CNTN6: variants seen among roughly 807,000 people sequenced by gnomAD.
The protein encoded by CNTN6 is contactin-6.
In CNTN6, 137 loss-of-function variants were observed where a neutral mutation model predicts 122.8. The observed-to-expected ratio is 1.12, with a 90% CI of 0.97 to 1.29. The LOEUF is 1.29. Among genes scored for constraint, CNTN6 ranks in the 50% most tolerant of loss-of-function variants. The pLI, the probability that CNTN6 is intolerant of heterozygous loss-of-function variation, is 0.00. For synonymous variants in CNTN6, 570 were observed against 426.0 expected, an observed-to-expected ratio of 1.34 and a Z score of -4.16; for missense variants, 1,634 against 1,223.4, an observed-to-expected ratio of 1.34 and a Z score of -5.01.
rs1416133177 is a variant in CNTN6, at chr3:1,392,734, C to A, written c.2704+6937C>A. ...AGAAAAAAACAAACAACCCCATCAA[C>A]AAGTGGGTGAAGGACATGAACAGAC... On this transcript the variant is annotated intron_variant, in intron 20 of 22. Transcript: ENST00000446702. Among the ~76,000 whole-genome samples the A allele has an allele frequency of 1.0e-4, 15 of 143,198 alleles. No homozygotes were observed. The South Asian group carries it at 1.9e-3, about 18-fold the overall frequency. The allele number at this position is 143,198 out of a possible 152,430, so 93.9% of individuals were successfully genotyped here.
chr3:1,338,195 A>T (rs904515407), intron 11 of CNTN6, among the ~76,000 whole-genome samples: 11 of 152,180 alleles, frequency 7.2e-5, no homozygotes, highest in African/African-American at 2.7e-4. Flanking sequence ...CAAAATAAAT[A>T]GCATCTTATA....
chr3:1,389,492 A>G (rs1432705539), intron 20 of CNTN6, among the ~76,000 whole-genome samples: 2 of 152,182 alleles, frequency 1.3e-5, no homozygotes, highest in Non-Finnish European at 2.9e-5. Context: ...GACTAGGAAG[A>G]AACTGCATCA....
intron 4 of CNTN6, among the ~76,000 whole-genome samples, chr3:1,232,142 T>TA: frequency 6.6e-6 from 1 of 152,316 alleles, no homozygotes; most frequent in African/African-American, 2.4e-5. Flanking sequence ...GCCCTTATAA[T>TA]ATATAACTCT....
chr3:1,260,428 A>C (rs1010030600), intron 4 of CNTN6, among the ~76,000 whole-genome samples: 4 of 152,066 alleles, frequency 2.6e-5, no homozygotes, highest in African/African-American at 9.7e-5. Flanking sequence ...GATTCAGGGC[A>C]GATGTTTGAT....
chr3:1,212,041 T>C (rs2094045977), intron 2 of CNTN6, among the ~76,000 whole-genome samples: 2 of 152,172 alleles, frequency 1.3e-5, no homozygotes, highest in African/African-American at 2.4e-5. Context: ...TAATGAACGT[T>C]AGATACCAGT....
chr3:1,283,797 C>G (rs540283473), intron 5 of CNTN6, among the ~76,000 whole-genome samples: 44 of 152,136 alleles, frequency 2.9e-4, no homozygotes, highest in African/African-American at 9.9e-4. Context: ...GTCAGGAGTT[C>G]GAGACCAGCC....
rs112454892 is a variant in CNTN6, at chr3:1,369,644, T to C, written c.1493-2655T>C. ...GTGTCATAAATGGAAGGACTTGCTG[T>C]CATTTTTAATGTCTGAAAATTACTT... is the stretch of plus-strand genomic sequence containing the variant. On this transcript the variant is annotated intron_variant, in intron 12 of 22. Coordinates refer to ENST00000446702, the MANE Select transcript of CNTN6 (RefSeq NM_001289080.2). Among the ~76,000 whole-genome samples the C allele has an allele frequency of 3.3e-3, 508 of 152,286 alleles. 4 individuals carry two copies. The highest frequency in any genetic ancestry group is 5.2e-3 in the Non-Finnish European group (351 of 68,012).
chr3:1,309,270 T>C (rs1287091347), intron 7 of CNTN6, among the ~76,000 whole-genome samples: 1 of 152,216 alleles, frequency 6.6e-6, no homozygotes, highest in Non-Finnish European at 1.5e-5. Context: ...GCTTTATGTT[T>C]TGCATTTTCA....
At chr3:1,247,429 G>C (rs1247317608) in intron 4 of CNTN6, among the ~76,000 whole-genome samples, 1 of 150,402 alleles carries the variant, frequency 6.6e-6, no homozygotes, top group Non-Finnish European at 1.5e-5. Context: ...ATATCTGATA[G>C]CTATTAAAAT....
intron 11 of CNTN6, 59 bp downstream of exon 11, chr3:1,329,994 T>G: frequency 7.4e-7 from 1 of 1,350,586 alleles, no homozygotes; most frequent in Non-Finnish European, 9.7e-7. Context: ...CTTCCAAATT[T>G]TTAGGTTTTA....
chr3:1,320,865 C>G (rs1165634121), intron 7 of CNTN6, among the ~76,000 whole-genome samples: 1 of 151,406 alleles, frequency 6.6e-6, no homozygotes, highest in Non-Finnish European at 1.5e-5. Flanking sequence ...TATTTTTGCT[C>G]CTTTGAAAGA....
intron 11 of CNTN6, among the ~76,000 whole-genome samples, chr3:1,347,147 C>G (rs928225615): frequency 6.6e-6 from 1 of 152,170 alleles, no homozygotes; most frequent in African/African-American, 2.4e-5. Flanking sequence ...ACAGCTTGTT[C>G]TTCTGAATTT....
intron 2 of CNTN6, among the ~76,000 whole-genome samples, chr3:1,161,538 CAT>C (rs907439847): frequency 1.3e-5 from 2 of 151,616 alleles, no homozygotes; most frequent in African/African-American, 4.8e-5. Flanking sequence ...TGTGTATATA[CAT>C]ATATATACAT....
At chr3:1,194,952 A>G (rs961492323) in intron 2 of CNTN6, among the ~76,000 whole-genome samples, 1 of 151,998 alleles carries the variant, frequency 6.6e-6, no homozygotes, top group African/African-American at 2.4e-5. Flanking sequence ...CAATTCTTAG[A>G]GATTAAAAAA....
rs2094562556 is a variant in CNTN6 at position 1,245,302 on chromosome 3, ATATATAT to A, written c.358+17310_358+17316del. On this transcript the variant is annotated intron_variant, in intron 4 of 22. Transcript: ENST00000446702. ...ACACACATATATATATAACATATAT[ATATATAT>A]ATATATATATATATATATATATATA... Among the ~76,000 whole-genome samples, 3 of 6,192 alleles carry A rather than the reference ATATATAT, an allele frequency of 4.8e-4. 1 individual carries two copies. Among genetic ancestry groups the A allele is most frequent in the African/African-American group, 1.8e-3 (3 of 1,692 alleles). The allele number at this position is 6,192 out of a possible 152,430, so 4.1% of individuals were successfully genotyped here.
At chr3:1,170,412 T>C (rs966832863) in intron 2 of CNTN6, among the ~76,000 whole-genome samples, 2 of 152,128 alleles carry the variant, frequency 1.3e-5, no homozygotes, top group Admixed American at 1.3e-4. Flanking sequence ...CCACAGTTAG[T>C]AGCAGAACCC....
intron 5 of CNTN6, among the ~76,000 whole-genome samples, chr3:1,280,872 T>G (rs1482300624): frequency 6.6e-6 from 1 of 152,190 alleles, no homozygotes; most frequent in Non-Finnish European, 1.5e-5. Context: ...GATAACTGGC[T>G]GTTAAGGGAC....
intron 20 of CNTN6, among the ~76,000 whole-genome samples, chr3:1,388,444 A>G (rs1427619455): frequency 2.0e-5 from 3 of 149,040 alleles, no homozygotes. Context: ...AAAGTAGATA[A>G]AAACCACAAA....
Position 1,372,835 on chromosome 3 carries a change from C to T in CNTN6, c.1669-3C>T, listed in dbSNP as rs768073968. 1 of 1,554,476 alleles carries T rather than the reference C, an allele frequency of 6.4e-7. No homozygotes were observed. The highest frequency in any genetic ancestry group is 8.8e-7 in the Non-Finnish European group (1 of 1,131,774). ...TTATCCATTTCTCCCTTTCTGTCTG[C>T]AGGAATCTGTTGGGGATTTGATGAT... is the stretch of plus-strand genomic sequence containing the variant. On this transcript the variant is annotated splice_region_variant and splice_polypyrimidine_tract_variant and intron_variant, in intron 13 of 22. Transcript: ENST00000446702.
Sources: gnomAD v4.1 joint callset for allele counts (sites outside exome capture counted in the v4.1 genomes callset) on GRCh38, gnomAD v4.1.1 for gene constraint, MANE v1.5 for transcripts, NCBI Gene and HGNC (gene_info 2026-07-23, HGNC 2026-07-21) for gene names.